The following SORCS2 variants were observed in gnomAD, a reference collection of about 807,000 sequenced individuals.
SORCS2 encodes the protein sortilin related VPS10 domain containing receptor 2.
In SORCS2, 100 loss-of-function variants were observed where a neutral mutation model predicts 141.6. That is an observed-to-expected ratio of 0.71 (90% CI 0.60 to 0.83). SORCS2 has a LOEUF of 0.83. Among genes scored for constraint, SORCS2 ranks in the 40% least tolerant of loss-of-function variants. SORCS2 has a pLI of 0.00. For synonymous variants in SORCS2, 789 were observed against 676.9 expected, an observed-to-expected ratio of 1.17 and a Z score of -2.57; for missense variants, 1,646 against 1,560.2, an observed-to-expected ratio of 1.05 and a Z score of -0.93.
chr4:7,227,040 T>A (rs1365381690), intron 1 of SORCS2, among the ~76,000 whole-genome samples: 1 of 152,220 alleles, frequency 6.6e-6, no homozygotes. Flanking sequence ...CCAGCACACC[T>A]GCTCTTATGC....
intron 3 of SORCS2, among the ~76,000 whole-genome samples, chr4:7,618,051 A>C (rs1019268451): frequency 2.0e-5 from 3 of 151,946 alleles, no homozygotes; most frequent in Non-Finnish European, 4.4e-5. Context: ...GCCCCAATCA[A>C]AGTCCAAACT....
chr4:7,619,328 G>T (rs764733307), intron 3 of SORCS2, among the ~76,000 whole-genome samples: 4 of 152,210 alleles, frequency 2.6e-5, no homozygotes, highest in Non-Finnish European at 4.4e-5. Context: ...GCATCTTGGA[G>T]CATTTTTATT....
chr4:7,702,771 G>C (rs1019879769), intron 12 of SORCS2, among the ~76,000 whole-genome samples: 4 of 152,264 alleles, frequency 2.6e-5, no homozygotes, highest in African/African-American at 9.6e-5. Context: ...TTGGACTGAA[G>C]AGACAATGAC....
At chr4:7,562,564 G>T (rs1420754990) in intron 3 of SORCS2, among the ~76,000 whole-genome samples, 1 of 152,160 alleles carries the variant, frequency 6.6e-6, no homozygotes, top group Non-Finnish European at 1.5e-5. Flanking sequence ...TGTTCTACTT[G>T]GTTTTGTTTC....
At chr4:7,381,322 AC>A (rs1722982146) in intron 1 of SORCS2, among the ~76,000 whole-genome samples, 1 of 152,168 alleles carries the variant, frequency 6.6e-6, no homozygotes, top group South Asian at 2.1e-4. Context: ...AGTGAGACAC[AC>A]GGAGCACAGA....
In SORCS2 at chr4:7,704,190, G is replaced by A. The variant is rs773691474; in HGVS notation, c.1774G>A (p.Glu592Lys). The change falls in exon 14 of 27, where the codon GAG (glutamate) becomes AAG (lysine). Residue 592 changes from glutamate (E) to lysine (K), a missense_variant. Physicochemically the swap from Glu to Lys is moderately conservative, Grantham distance 56 (BLOSUM62 1). Coordinates refer to ENST00000507866, the MANE Select transcript of SORCS2 (RefSeq NM_020777.3). ...PLKILKFSVD[E>K]GLTWSTHNFT... ...TTCTCCTGGCAGGTTCAGTGTGGAC[G>A]AGGGCCTCACCTGGAGCACGCACAA... The A allele has an allele frequency of 6.2e-6, 10 of 1,612,146 alleles. No individual in the cohort carries two copies. Among genetic ancestry groups the A allele is most frequent in the Admixed American group, 3.3e-5 (2 of 59,830 alleles).
At chr4:7,716,474 A>G (rs1191833455) in intron 17 of SORCS2, among the ~76,000 whole-genome samples, 2 of 152,080 alleles carry the variant, frequency 1.3e-5, no homozygotes, top group Non-Finnish European at 2.9e-5. Context: ...ACTACTATCC[A>G]TGCATCCATC....
At chr4:7,282,212 GTC>G (rs1200939330) in intron 1 of SORCS2, among the ~76,000 whole-genome samples, 1 of 152,188 alleles carries the variant, frequency 6.6e-6, no homozygotes, top group East Asian at 1.9e-4. Flanking sequence ...TGCTGTTACC[GTC>G]TCTCTGGCCT....
intron 3 of SORCS2, among the ~76,000 whole-genome samples, chr4:7,626,847 T>A (rs1195742128): frequency 6.6e-6 from 1 of 152,170 alleles, no homozygotes. Context: ...TCCCTGGTGC[T>A]CAGTGCCTAG....
intron 1 of SORCS2, among the ~76,000 whole-genome samples, chr4:7,348,250 A>T (rs1431873617): frequency 6.6e-6 from 1 of 152,224 alleles, no homozygotes; most frequent in Non-Finnish European, 1.5e-5. Flanking sequence ...TCATTCTTCC[A>T]GCTTTCTCAC....
At chr4:7,737,225 C>T in intron 26 of SORCS2, 53 bp downstream of exon 26, 2 of 1,547,326 alleles carry the variant, frequency 1.3e-6, no homozygotes, top group Non-Finnish European at 8.7e-7. Flanking sequence ...GTAACGTCCG[C>T]CCCAAACCCA....
intron 2 of SORCS2, among the ~76,000 whole-genome samples, chr4:7,448,149 C>T (rs994900184): frequency 9.9e-5 from 15 of 152,176 alleles, no homozygotes; most frequent in Non-Finnish European, 2.1e-4. Context: ...CTTTCTGAGG[C>T]ACAGTTGTGT....
chr4:7,481,535 G>C (rs1030315640), intron 2 of SORCS2, among the ~76,000 whole-genome samples: 1 of 152,200 alleles, frequency 6.6e-6, no homozygotes, highest in African/African-American at 2.4e-5. Context: ...AGTTTGGAGA[G>C]GTCGGGGGAG....
At chr4:7,315,255 C>T (rs1288428007) in intron 1 of SORCS2, among the ~76,000 whole-genome samples, 5 of 152,172 alleles carry the variant, frequency 3.3e-5, no homozygotes, top group Non-Finnish European at 5.9e-5. Flanking sequence ...GCCAGGTGGG[C>T]CTCCCTCTTT....
intron 3 of SORCS2, among the ~76,000 whole-genome samples, chr4:7,609,115 G>C (rs551288669): frequency 6.6e-6 from 1 of 152,086 alleles, no homozygotes; most frequent in Non-Finnish European, 1.5e-5. Flanking sequence ...GGGCACAGGC[G>C]TGGGGTCAGA....
At chr4:7,378,680 G>A (rs1294164370) in intron 1 of SORCS2, among the ~76,000 whole-genome samples, 2 of 152,138 alleles carry the variant, frequency 1.3e-5, no homozygotes, top group African/African-American at 4.8e-5. Context: ...CCCAACCATA[G>A]CAGGTTCCTC....
At chr4:7,712,578 G>A (rs1725894063) in intron 14 of SORCS2, among the ~76,000 whole-genome samples, 155 bp from the exon 15 acceptor site, 1 of 152,208 alleles carries the variant, frequency 6.6e-6, no homozygotes, top group Admixed American at 6.5e-5. Flanking sequence ...TCGGTGACCG[G>A]GGCAGCCTCG....
At chr4:7,345,244 T>G (rs535460150) in intron 1 of SORCS2, among the ~76,000 whole-genome samples, 1 of 152,362 alleles carries the variant, frequency 6.6e-6, no homozygotes, top group East Asian at 1.9e-4. Flanking sequence ...TTAAAACTTC[T>G]TAATGTTGGG....
intron 1 of SORCS2, among the ~76,000 whole-genome samples, chr4:7,315,974 TATCC>T: frequency 6.6e-6 from 1 of 151,900 alleles, no homozygotes; most frequent in East Asian, 1.9e-4. Flanking sequence ...CCCATCTATT[TATCC>T]ATCCATCCAT....
Sources: gnomAD v4.1 joint callset for allele counts (sites outside exome capture counted in the v4.1 genomes callset) on GRCh38, gnomAD v4.1.1 for gene constraint, MANE v1.5 for transcripts, NCBI Gene and HGNC (gene_info 2026-07-23, HGNC 2026-07-21) for gene names.